The following ANKRD45 variants were observed in gnomAD, a reference collection of about 807,000 sequenced individuals.
ANKRD45 encodes the protein ankyrin repeat domain 45, also known as ankyrin repeat domain-containing protein 45.
ANKRD45 carries 21 observed loss-of-function variants against 28.1 expected under a neutral mutation model. The observed-to-expected ratio is 0.75, with a 90% CI of 0.53 to 1.08. ANKRD45 has a LOEUF of 1.08. Among genes scored for constraint, ANKRD45 ranks in the 50% least tolerant of loss-of-function variants. The pLI is 0.00. For synonymous variants in ANKRD45, 86 were observed against 103.9 expected (o/e 0.83, Z 1.05); for missense variants, 261 against 308.7 (o/e 0.85, Z 1.16).
chr1:173,620,723 C>T (rs1667663369), intron 5 of ANKRD45, among the ~76,000 whole-genome samples: 1 of 151,334 alleles, frequency 6.6e-6, no homozygotes, highest in South Asian at 2.1e-4. Context: ...TGCACATGTA[C>T]CCTAAAACTT....
the ANKRD45 span, among the ~76,000 whole-genome samples, chr1:173,706,899 A>T: frequency 6.6e-6 from 1 of 152,172 alleles, no homozygotes; most frequent in Non-Finnish European, 1.5e-5. Flanking sequence ...TTTTGCACAC[A>T]CTGGTCACAA....
intron 1 of ANKRD45, among the ~76,000 whole-genome samples, chr1:173,660,178 A>T (rs1669717869): frequency 1.3e-5 from 2 of 152,142 alleles, no homozygotes; most frequent in South Asian, 2.1e-4. Context: ...CCCAATAATC[A>T]CACCTATGAA....
At chr1:173,659,927 T>C (rs1322418629) in intron 1 of ANKRD45, among the ~76,000 whole-genome samples, 1 of 152,200 alleles carries the variant, frequency 6.6e-6, no homozygotes, top group African/African-American at 2.4e-5. Context: ...TCAAATTTAT[T>C]TCCTACCTTC....
In ANKRD45 at chr1:173,646,852, A is replaced by T. The variant is rs751223409; in HGVS notation, c.490T>A (p.Trp164Arg). The change falls in exon 3 of 6, where the codon TGG (tryptophan) becomes AGG (arginine). Residue 164 changes from tryptophan (W) to arginine (R), a missense_variant. Trp to Arg is a moderately radical substitution (Grantham distance 101, BLOSUM62 -3). Transcript: ENST00000333279. ...SQTECVEFLD[W>R]ADARLTLKKY... ...CCCTTGTGAGCTTCCTTACCTGCCC[A>T]GTCCAGGAATTCAACACACTCAGTC... 6.2e-6 allele frequency: 10 copies of T among 1,613,920 alleles called. No homozygotes were observed. In the South Asian group the frequency reaches 1.1e-4, roughly 18 times the overall value.
intron 4 of ANKRD45, among the ~76,000 whole-genome samples, chr1:173,625,895 G>C (rs1327830947): frequency 1.3e-5 from 2 of 152,026 alleles, no homozygotes; most frequent in East Asian, 3.9e-4. Context: ...GTTTGCTTTA[G>C]ACATTCTGAT....
chr1:173,664,546 T>A (rs1669925460), intron 1 of ANKRD45, among the ~76,000 whole-genome samples: 1 of 152,158 alleles, frequency 6.6e-6, no homozygotes, highest in African/African-American at 2.4e-5. Flanking sequence ...AAATCCTATT[T>A]AGGCCAAGCT....
At chr1:173,653,549 T>C (rs892272854) in intron 2 of ANKRD45, among the ~76,000 whole-genome samples, 1 of 152,224 alleles carries the variant, frequency 6.6e-6, no homozygotes, top group Non-Finnish European at 1.5e-5. Flanking sequence ...AAGTGTGATA[T>C]GGTACTGAGA....
the ANKRD45 span, among the ~76,000 whole-genome samples, chr1:173,691,786 C>CA: frequency 1.3e-5 from 2 of 152,062 alleles, no homozygotes; most frequent in Admixed American, 6.6e-5. Flanking sequence ...GACTCCGTCT[C>CA]AAAAAACAAA....
chr1:173,680,426 A>G, the ANKRD45 span, among the ~76,000 whole-genome samples: 2 of 151,582 alleles, frequency 1.3e-5, no homozygotes, highest in East Asian at 3.9e-4. Context: ...ATTCTCAGCA[A>G]ACTAACACAA....
At chr1:173,706,122 G>C in the ANKRD45 span, among the ~76,000 whole-genome samples, 1 of 151,770 alleles carries the variant, frequency 6.6e-6, no homozygotes, top group South Asian at 2.1e-4. Flanking sequence ...GACCAATATG[G>C]TGAAACCCTA....
the ANKRD45 span, among the ~76,000 whole-genome samples, chr1:173,699,707 C>G: frequency 6.6e-6 from 1 of 152,126 alleles, no homozygotes; most frequent in Admixed American, 6.5e-5. Context: ...AACGCACAGC[C>G]AATATCATAC....
chr1:173,612,447 A>G (rs1252816089), intron 5 of ANKRD45, among the ~76,000 whole-genome samples: 1 of 152,254 alleles, frequency 6.6e-6, no homozygotes, highest in East Asian at 1.9e-4. Context: ...GAGAAAATAC[A>G]GAAATGGCCA....
At chr1:173,641,035 A>C (rs1558131636) in intron 3 of ANKRD45, among the ~76,000 whole-genome samples, 4 of 152,056 alleles carry the variant, frequency 2.6e-5, no homozygotes. Context: ...CATTTTTGAG[A>C]TATGCATTAT....
intron 5 of ANKRD45, chr1:173,612,545 T>A (rs922171337): frequency 2.0e-5 from 3 of 152,188 alleles, no homozygotes; most frequent in Non-Finnish European, 2.9e-5. Context: ...CCCACTAGGA[T>A]GGCTAATTTT....
intron 5 of ANKRD45, chr1:173,612,729 T>G (rs1667224214): frequency 6.3e-6 from 1 of 157,786 alleles, no homozygotes; most frequent in Non-Finnish European, 1.4e-5. Flanking sequence ...TGCCTGCAAT[T>G]GCAGGCGCGC....
At chr1:173,650,044 G>T (rs533055684) in intron 2 of ANKRD45, among the ~76,000 whole-genome samples, 2 of 152,078 alleles carry the variant, frequency 1.3e-5, no homozygotes, top group Non-Finnish European at 2.9e-5. Flanking sequence ...TATACATTTC[G>T]TGTGGTCTTT....
At chr1:173,714,104 C>T in the ANKRD45 span, among the ~76,000 whole-genome samples, 1 of 151,180 alleles carries the variant, frequency 6.6e-6, no homozygotes, top group Non-Finnish European at 1.5e-5. Context: ...TAAAGAACAG[C>T]TAAAGAAAAT....
chr1:173,700,173 G>A, the ANKRD45 span, among the ~76,000 whole-genome samples: 40 of 152,122 alleles, frequency 2.6e-4, no homozygotes, highest in Admixed American at 2.6e-3. Context: ...AATAAAAGAG[G>A]ACACAAACAA....
intron 1 of ANKRD45, among the ~76,000 whole-genome samples, chr1:173,669,127 T>C (rs1670144393): frequency 6.6e-6 from 1 of 151,888 alleles, no homozygotes; most frequent in African/African-American, 2.4e-5. Flanking sequence ...AATGACAGAG[T>C]GAGATCAGGG....
Sources: allele counts gnomAD v4.1 joint callset (sites outside exome capture counted in the v4.1 genomes callset), GRCh38; gene constraint gnomAD v4.1.1; transcripts MANE v1.5; gene names NCBI Gene and HGNC (gene_info 2026-07-23, HGNC 2026-07-21).